Variants in SERP1 observed in about 807,000 individuals in gnomAD.
SERP1 encodes stress-associated endoplasmic reticulum protein 1.
A neutral mutation model predicts 8.8 loss-of-function variants in SERP1; 6 were observed. That is an observed-to-expected ratio of 0.68 (90% CI 0.37 to 1.35). The LOEUF (loss-of-function observed/expected upper bound fraction) is 1.35. Among genes scored for constraint, SERP1 ranks in the 40% most tolerant of loss-of-function variants. The probability of loss-of-function intolerance (pLI) is 0.02; values close to 1 mark genes in which losing one functional copy is unlikely to be tolerated. For synonymous variants in SERP1, 36 were observed against 28.7 expected (o/e 1.25, Z -0.81); for missense variants, 52 against 86.2 (o/e 0.60, Z 1.57).
At position 150,546,432 on chromosome 3, in the gene SERP1, C is replaced by G; in HGVS notation, c.-297G>C. The G allele has an allele frequency of 1.8e-6, 1 of 553,132 alleles. No homozygotes were observed. The highest frequency in any genetic ancestry group is 3.2e-6 in the Non-Finnish European group (1 of 316,364). 34.3% of individuals were successfully genotyped at this position (553,132 alleles called of 1,614,324 possible). A position where few individuals can be genotyped will look rare whatever the true frequency, so the allele number is the denominator to read the frequency against. On this transcript the variant is annotated 5_prime_UTR_variant, in exon 1 of 3. Transcript: ENST00000239944. ...CCGCCGCTTTGGCCGCCGCCGTGAG[C>G]GCGGAGTGAAAGAGGAAGGAAACGC...
Position 150,546,122 on chromosome 3 carries a change from T to C in SERP1, c.14A>G (p.Gln5Arg), listed in dbSNP as rs1723000915. Reference sequence around the variant, plus strand: ...CTTCTCGTTGGCCATACGGATCCTTTGCTTGGCGACCATCTTCGCGGCGCC... The same window carrying C: ...CTTCTCGTTGGCCATACGGATCCTTCGCTTGGCGACCATCTTCGCGGCGCC... Reference protein sequence around the residue: MVAKQRIRMANEKHS... With the variant: MVAKRRIRMANEKHS... The change falls in exon 1 of 3, where the codon CAA becomes CGA. Residue 5 changes from glutamine (Q) to arginine (R), a missense_variant. Gln to Arg is a conservative substitution (Grantham distance 43). Coordinates refer to ENST00000239944, the MANE Select transcript of SERP1 (RefSeq NM_014445.4). 6.2e-7 allele frequency: 1 copy of C among 1,613,458 alleles called. No homozygotes were observed. Among genetic ancestry groups the C allele is most frequent in the Non-Finnish European group, 8.5e-7 (1 of 1,179,858 alleles).
At chr3:150,544,887 C>G (rs1003719823) in intron 2 of SERP1, among the ~76,000 whole-genome samples, 1 of 152,182 alleles carries the variant, frequency 6.6e-6, no homozygotes, top group African/African-American at 2.4e-5. Context: ...AGCTGAAATT[C>G]AATCATCTTC....
chr3:150,545,945 G>T, intron 1 of SERP1, 107 bp downstream of exon 1: 1 of 1,471,440 alleles, frequency 6.8e-7, no homozygotes, highest in Non-Finnish European at 9.3e-7. Context: ...CCCCTCCACG[G>T]CACCAGCCCA....
rs1722903805 is a variant in SERP1 at position 150,542,919 on chromosome 3, G to A, written c.*1539C>T. The A allele has an allele frequency of 1.3e-5, 2 of 152,600 alleles. No individual in the cohort carries two copies. Among genetic ancestry groups the A allele is most frequent in the Non-Finnish European group, 2.9e-5 (2 of 68,006 alleles). 9.5% of individuals were successfully genotyped at this position (152,600 alleles called of 1,614,324 possible). A position where few individuals can be genotyped will look rare whatever the true frequency, so the allele number is the denominator to read the frequency against. On this transcript the variant is annotated 3_prime_UTR_variant, in exon 3 of 3. Transcript: ENST00000239944. Reference sequence around the variant, plus strand: ...CTGATTAACTGGGTGAGAAAGGCAAGTAACAATTTAGTTAAAAACCTGCTG... The same window carrying A: ...CTGATTAACTGGGTGAGAAAGGCAAATAACAATTTAGTTAAAAACCTGCTG...
At position 150,544,031 on chromosome 3, in the gene SERP1, A is replaced by G. The variant is rs1475817923; in HGVS notation, c.*427T>C. 1.3e-5 allele frequency: 2 copies of G among 158,270 alleles called. No homozygotes were observed. The highest frequency in any genetic ancestry group is 1.9e-4 in the South Asian group (1 of 5,152). The allele number at this position is 158,270 out of a possible 1,614,324, so 9.8% of individuals were successfully genotyped here. A position where few individuals can be genotyped will look rare whatever the true frequency, so the allele number is the denominator to read the frequency against. On this transcript the variant is annotated 3_prime_UTR_variant, in exon 3 of 3. Transcript: ENST00000239944. Reference sequence around the variant, plus strand: ...TGTGCTTTCAGTTCAAAAGAGTAATAAAGTGCCTAGCTATATAAAAACCAC... The same window carrying G: ...TGTGCTTTCAGTTCAAAAGAGTAATGAAGTGCCTAGCTATATAAAAACCAC...
Position 150,546,490 on chromosome 3 carries a change from T to C in SERP1, c.-355A>G. On this transcript the variant is annotated 5_prime_UTR_variant, in exon 1 of 3. Coordinates refer to ENST00000239944, the MANE Select transcript of SERP1 (RefSeq NM_014445.4). ...CAACGGGAATGTGCAGCCCGCCGCC[T>C]CGATCTACTTTGGGTTCGGCTGCCA... is the stretch of plus-strand genomic sequence containing the variant. The C allele has an allele frequency of 1.8e-6, 1 of 571,218 alleles. No homozygotes were observed. The highest frequency in any genetic ancestry group is 3.1e-6 in the Non-Finnish European group (1 of 321,528). The allele number at this position is 571,218 out of a possible 1,614,324, so 35.4% of individuals were successfully genotyped here. A position where few individuals can be genotyped will look rare whatever the true frequency, so the allele number is the denominator to read the frequency against.
intron 2 of SERP1, among the ~76,000 whole-genome samples, chr3:150,545,188 A>T (rs1722955162): frequency 6.6e-6 from 1 of 152,160 alleles, no homozygotes; most frequent in Non-Finnish European, 1.5e-5. Context: ...TCTTTTATTA[A>T]CCTAAAAACA....
Position 150,544,253 on chromosome 3 carries a change from G to C in SERP1, c.*205C>G. On this transcript the variant is annotated 3_prime_UTR_variant, in exon 3 of 3. Transcript: ENST00000239944. ...CAAATTTTATTGCTTTATTCATGTG[G>C]TGTTTTTTGCAAGGCACTGTGGTAT... 1.8e-6 allele frequency: 1 copy of C among 552,956 alleles called. No individual in the cohort carries two copies. The allele number at this position is 552,956 out of a possible 1,614,324, so 34.3% of individuals were successfully genotyped here. A position where few individuals can be genotyped will look rare whatever the true frequency, so the allele number is the denominator to read the frequency against.
In SERP1 at chr3:150,544,055, A is replaced by C. The variant is rs1722929784; in HGVS notation, c.*403T>G. 6.0e-6 allele frequency: 1 copy of C among 166,824 alleles called. No individual in the cohort carries two copies. The highest frequency in any genetic ancestry group is 1.3e-5 in the Non-Finnish European group (1 of 77,444). 10.3% of individuals were successfully genotyped at this position (166,824 alleles called of 1,614,324 possible). A position where few individuals can be genotyped will look rare whatever the true frequency, so the allele number is the denominator to read the frequency against. ...TAAAGTGCCTAGCTATATAAAAACCACAAGACTTCAAATTGTAATTTAAGC... is the reference window on the plus strand; with the variant it reads ...TAAAGTGCCTAGCTATATAAAAACCCCAAGACTTCAAATTGTAATTTAAGC... On this transcript the variant is annotated 3_prime_UTR_variant, in exon 3 of 3. Coordinates refer to ENST00000239944, the MANE Select transcript of SERP1 (RefSeq NM_014445.4).
chr3:150,545,561 T>G, intron 2 of SERP1, 142 bp downstream of exon 2: 2 of 775,714 alleles, frequency 2.6e-6, no homozygotes, highest in Non-Finnish European at 4.4e-6. Flanking sequence ...GTAATTTGGT[T>G]CAGACGAAAC....
rs1297738733 is a variant in SERP1 at position 150,546,289 on chromosome 3, C to A, written c.-154G>T. 11 of 804,354 alleles carry A rather than the reference C, an allele frequency of 1.4e-5. No homozygotes were observed. The highest frequency in any genetic ancestry group is 2.1e-5 in the Non-Finnish European group (11 of 525,406). The allele number at this position is 804,354 out of a possible 1,614,324, so 49.8% of individuals were successfully genotyped here. ...GCTAGCTACGGCCGCTGGGCCTGGG[C>A]GCCGCAAGCGCGAGGTCTGAGCACA... On this transcript the variant is annotated 5_prime_UTR_variant, in exon 1 of 3. Transcript: ENST00000239944.
chr3:150,546,047 C>A lies in SERP1; in HGVS notation c.84+5G>T. 2.5e-6 allele frequency: 4 copies of A among 1,613,616 alleles called. No homozygotes were observed. The highest frequency in any genetic ancestry group is 3.4e-6 in the Non-Finnish European group (4 of 1,179,874). ...AACGCAGAGGGGCGCCCGCTCTTTC[C>A]TTACCGAGGTCTTGGCGACGTTGCC... On this transcript the variant is annotated splice_donor_5th_base_variant and intron_variant, in intron 1 of 2. Transcript: ENST00000239944.
rs766981416 is a variant in SERP1 at position 150,545,728 on chromosome 3, G to A, written c.135C>T (p.Leu45=). 4 of 1,608,918 alleles carry A rather than the reference G, an allele frequency of 2.5e-6. No homozygotes were observed. The highest frequency in any genetic ancestry group is 2.7e-5 in the African/African-American group (2 of 74,852). Reference sequence around the variant, plus strand: ...CAGAACCACAGACAACAAAAATGAAGAGAGCCAATAACCAGGGTCCTACAG... The same window carrying A: ...CAGAACCACAGACAACAAAAATGAAAAGAGCCAATAACCAGGGTCCTACAG... ...KASVGPWLLA[L]FIFVVCGSAI... The change falls in exon 2 of 3, where the codon CTC becomes CTT. Residue 45 remains leucine (L), a synonymous_variant. Coordinates refer to ENST00000239944, the MANE Select transcript of SERP1 (RefSeq NM_014445.4).
chr3:150,545,544 G>T, intron 2 of SERP1, 159 bp downstream of exon 2: 1 of 705,188 alleles, frequency 1.4e-6, no homozygotes. Flanking sequence ...GTGCATATGT[G>T]GAACAAGTAA....
chr3:150,546,024 C>A (rs543180024), intron 1 of SERP1, 28 bp downstream of exon 1: 5 of 1,612,214 alleles, frequency 3.1e-6, no homozygotes, highest in South Asian at 1.1e-5. Flanking sequence ...GGCTGCGGAA[C>A]GCAGAGGGGC....
In SERP1 at chr3:150,542,071, T is replaced by G. The variant is rs1181807684; in HGVS notation, c.*2387A>C. 1 of 152,230 alleles carries G rather than the reference T, an allele frequency of 6.6e-6. No individual in the cohort carries two copies. Among genetic ancestry groups the G allele is most frequent in the East Asian group, 1.9e-4 (1 of 5,202 alleles). The allele number at this position is 152,230 out of a possible 1,614,324, so 9.4% of individuals were successfully genotyped here. A position where few individuals can be genotyped will look rare whatever the true frequency, so the allele number is the denominator to read the frequency against. On this transcript the variant is annotated 3_prime_UTR_variant, in exon 3 of 3. Coordinates refer to ENST00000239944, the MANE Select transcript of SERP1 (RefSeq NM_014445.4). ...TCCTGTTACAATGGAAATCTTATTT[T>G]TGGAAGTCCACTTAATTATTTTGAG... is the stretch of plus-strand genomic sequence containing the variant.
In SERP1 at chr3:150,543,311, T is replaced by C. The variant is rs962261363; in HGVS notation, c.*1147A>G. On this transcript the variant is annotated 3_prime_UTR_variant, in exon 3 of 3. Coordinates refer to ENST00000239944, the MANE Select transcript of SERP1 (RefSeq NM_014445.4). ...TGCCCTATGACCCTCACCCTTACCA[T>C]TAGTAAAACGTAAATTTGATCAATC... The C allele has an allele frequency of 2.0e-5, 3 of 152,496 alleles. No homozygotes were observed. The highest frequency in any genetic ancestry group is 7.2e-5 in the African/African-American group (3 of 41,416). 9.4% of individuals were successfully genotyped at this position (152,496 alleles called of 1,614,324 possible).
intron 1 of SERP1, 31 bp downstream of exon 1, chr3:150,546,021 G>A: frequency 6.2e-7 from 1 of 1,611,944 alleles, no homozygotes; most frequent in Non-Finnish European, 8.5e-7. Context: ...TCCGGCTGCG[G>A]AACGCAGAGG....
Position 150,542,728 on chromosome 3 carries a change from A to T in SERP1, c.*1730T>A, listed in dbSNP as rs1285002806. On this transcript the variant is annotated 3_prime_UTR_variant, in exon 3 of 3. Transcript: ENST00000239944. The stretch of plus-strand genomic sequence containing the variant: ...AGAACATTGTACATTAAAAAACACA[A>T]ACAACAACTTAAAGCCAAATATCTA... The T allele has an allele frequency of 1.3e-5, 2 of 152,636 alleles. No homozygotes were observed. Among genetic ancestry groups the T allele is most frequent in the Non-Finnish European group, 2.9e-5 (2 of 68,018 alleles). 9.5% of individuals were successfully genotyped at this position (152,636 alleles called of 1,614,324 possible).
Sources: gnomAD v4.1 joint callset for allele counts (sites outside exome capture counted in the v4.1 genomes callset) on GRCh38, gnomAD v4.1.1 for gene constraint, MANE v1.5 for transcripts, NCBI Gene and HGNC (gene_info 2026-07-23, HGNC 2026-07-21) for gene names.